Variants in KIF26A observed in about 807,000 individuals in gnomAD.
KIF26A encodes kinesin-like protein KIF26A.
KIF26A carries 74 observed loss-of-function variants against 126.0 expected under a neutral mutation model. The ratio of observed to expected loss-of-function variants is 0.59; its 90% CI spans 0.49 to 0.71. KIF26A has a LOEUF of 0.71. Ranked by LOEUF, KIF26A falls within the 30% of genes least tolerant of loss-of-function variation. The pLI, the probability that KIF26A is intolerant of heterozygous loss-of-function variation, is 0.00. For missense variants in KIF26A, 2,984 were observed against 2,763.3 expected (o/e 1.08, Z -1.79); for synonymous variants, 1,445 against 1,232.7 (o/e 1.17, Z -3.61).
At chr14:104,141,104 C>T (rs754711454) in intron 2 of KIF26A, among the ~76,000 whole-genome samples, 1 of 152,214 alleles carries the variant, frequency 6.6e-6, no homozygotes, top group Non-Finnish European at 1.5e-5. Context: ...CCCCAGAGTC[C>T]CAGCAAAATT....
chr14:104,177,210 C>T lies in KIF26A; in HGVS notation c.4422C>T (p.His1474=), dbSNP rs779334910. The T allele has an allele frequency of 1.3e-5, 21 of 1,591,762 alleles. No homozygotes were observed. The highest frequency in any genetic ancestry group is 5.6e-5 in the South Asian group (5 of 90,060). Reference sequence around the variant, plus strand: ...GTGTGCCACCCTCCAGCCCCACACACGGTCCAGCTCCCGCCTGTAGGAGCG... The same window carrying T: ...GTGTGCCACCCTCCAGCCCCACACATGGTCCAGCTCCCGCCTGTAGGAGCG... The part of the protein sequence containing the change: ...KLGVPPSSPT[H]GPAPACRSGA... Residue 1474 remains histidine, a synonymous_variant, in exon 12 of 15, where the codon CAC becomes CAT. Coordinates refer to ENST00000423312, the MANE Select transcript of KIF26A (RefSeq NM_015656.2).
chr14:104,152,042 G>A lies in KIF26A; in HGVS notation c.316G>A (p.Asp106Asn), dbSNP rs1566856106. The part of the protein sequence containing the change: ...RDPCLSALLL[D>N]KLPAPGALPA... ...TCCTTGCCTCTCTGCCCTGCTTCTC[G>A]ACAAGCTACCAGCACCTGGGGCCCT... Residue 106 changes from aspartate to asparagine, a missense_variant, in exon 3 of 15, where the codon GAC (aspartate) becomes AAC (asparagine). Asp to Asn is a conservative substitution (Grantham distance 23). Coordinates refer to ENST00000423312, the MANE Select transcript of KIF26A (RefSeq NM_015656.2). This position sits in a 1 kb window ranked among gnomAD's most constrained non-coding sequence, Gnocchi z 5.9. 2.5e-6 allele frequency: 4 copies of A among 1,612,510 alleles called. No homozygotes were observed. Among genetic ancestry groups the A allele is most frequent in the Non-Finnish European group, 3.4e-6 (4 of 1,179,754 alleles).
At chr14:104,160,156 T>C (rs7145018) in intron 4 of KIF26A, among the ~76,000 whole-genome samples, 58,806 of 152,086 alleles carry the variant, frequency 0.39, 15,548 homozygotes, top group African/African-American at 0.75. Flanking sequence ...GGGACCCGTG[T>C]AGCAGTCAGG....
At chr14:104,155,720 C>T (rs533347374) in intron 3 of KIF26A, among the ~76,000 whole-genome samples, 69 of 152,350 alleles carry the variant, frequency 4.5e-4, no homozygotes, top group African/African-American at 7.9e-4. Flanking sequence ...GGAGCCGAGG[C>T]GCGTGCCGGA....
chr14:104,156,115 G>C (rs559623130), intron 3 of KIF26A, among the ~76,000 whole-genome samples: 1 of 152,362 alleles, frequency 6.6e-6, no homozygotes, highest in East Asian at 1.9e-4. Flanking sequence ...GGTGCTGACT[G>C]CCATGCCCAG....
Position 104,159,835 on chromosome 14 carries a change from C to T in KIF26A, c.923+1893C>T, listed in dbSNP as rs373574200. Among the ~76,000 whole-genome samples the T allele has an allele frequency of 3.2e-4, 48 of 152,030 alleles. No homozygotes were observed. In the East Asian group the frequency reaches 7.9e-3, roughly 25 times the overall value. The stretch of plus-strand genomic sequence containing the variant: ...GTGGGCTGGGGTCGGTGGTGGGTGA[C>T]CTCCTCTGTGGGGCTGCAGTACCCT... On this transcript the variant is annotated intron_variant, in intron 4 of 14. Coordinates refer to ENST00000423312, the MANE Select transcript of KIF26A (RefSeq NM_015656.2).
At chr14:104,163,785 C>T (rs897573857) in intron 4 of KIF26A, among the ~76,000 whole-genome samples, 1 of 151,704 alleles carries the variant, frequency 6.6e-6, no homozygotes, top group African/African-American at 2.4e-5. Context: ...GCCTGAGACC[C>T]CTGGACCTCA....
intron 4 of KIF26A, among the ~76,000 whole-genome samples, chr14:104,165,710 C>T (rs1433107776): frequency 7.2e-6 from 1 of 138,232 alleles, no homozygotes; most frequent in Non-Finnish European, 1.6e-5. Flanking sequence ...TGTCTCTGTG[C>T]ATATGTGTGT....
chr14:104,158,433 A>G (rs542482202), intron 4 of KIF26A, among the ~76,000 whole-genome samples: 4 of 152,194 alleles, frequency 2.6e-5, no homozygotes, highest in Admixed American at 1.3e-4. Context: ...CACGGAGAGG[A>G]CAAGGCTGGC....
chr14:104,165,653 GTGTGTGTATCTGTGTTTCTGTATGCATA>G (rs2037887547), intron 4 of KIF26A, among the ~76,000 whole-genome samples: 2 of 144,276 alleles, frequency 1.4e-5, no homozygotes, highest in African/African-American at 5.7e-5. Flanking sequence ...CTGTATGCAT[GTGTGTGTATCTGTGTTTCTGTATGCATA>G]TGTGTGACTG....
At chr14:104,157,990 C>A in intron 4 of KIF26A, 48 bp downstream of exon 4, 1 of 1,452,100 alleles carries the variant, frequency 6.9e-7, no homozygotes, top group Non-Finnish European at 9.1e-7. Flanking sequence ...GGCCCCATGG[C>A]CCCGGCTGTG....
rs1312678136 is a variant in KIF26A, at chr14:104,175,681, C to T, written c.2893C>T (p.Pro965Ser). 1 of 1,605,096 alleles carries T rather than the reference C, an allele frequency of 6.2e-7. No homozygotes were observed. Among genetic ancestry groups the T allele is most frequent in the East Asian group, 2.2e-5 (1 of 44,606 alleles). The part of the protein sequence containing the change: ...PPQLLEACRA[P>S]EEPGGGGTDG... ...TCAGTTGCTGGAAGCCTGCAGAGCC[C>T]CAGAAGAGCCTGGGGGAGGGGGCAC... is the stretch of plus-strand genomic sequence containing the variant. The change falls in exon 12 of 15, where the codon CCA becomes TCA. Residue 965 changes from proline to serine, a missense_variant. Pro to Ser is a moderately conservative substitution (Grantham distance 74, BLOSUM62 -1). Coordinates refer to ENST00000423312, the MANE Select transcript of KIF26A (RefSeq NM_015656.2).
chr14:104,175,225 G>T lies in KIF26A; in HGVS notation c.2437G>T (p.Asp813Tyr). ...RELTDNEGPP[D>Y]FVPIIPALSR... Reference sequence around the variant, plus strand: ...GCTCACCGACAACGAAGGTCCGCCTGACTTCGTGCCCATCATCCCTGCCCT... The same window carrying T: ...GCTCACCGACAACGAAGGTCCGCCTTACTTCGTGCCCATCATCCCTGCCCT... Residue 813 changes from aspartate to tyrosine, a missense_variant, in exon 12 of 15, where the codon GAC becomes TAC. Physicochemically the swap from Asp to Tyr is radical, Grantham distance 160. Transcript: ENST00000423312. 1 of 1,609,706 alleles carries T rather than the reference G, an allele frequency of 6.2e-7. No individual in the cohort carries two copies.
At chr14:104,146,380 G>T (rs1395667186) in intron 2 of KIF26A, among the ~76,000 whole-genome samples, 1 of 152,100 alleles carries the variant, frequency 6.6e-6, no homozygotes, top group East Asian at 1.9e-4. Flanking sequence ...TGTGGGGCAT[G>T]GGGTCCCTGC....
Position 104,179,994 on chromosome 14 carries a change from A to G in KIF26A, c.*204A>G. 1 of 489,224 alleles carries G rather than the reference A, an allele frequency of 2.0e-6. No homozygotes were observed. Among genetic ancestry groups the G allele is most frequent in the Non-Finnish European group, 3.5e-6 (1 of 284,234 alleles). The allele number at this position is 489,224 out of a possible 1,614,324, so 30.3% of individuals were successfully genotyped here. On this transcript the variant is annotated 3_prime_UTR_variant, in exon 15 of 15. Coordinates refer to ENST00000423312, the MANE Select transcript of KIF26A (RefSeq NM_015656.2). The stretch of plus-strand genomic sequence containing the variant: ...GCGAGGGTGCCAGGGTGACCAGAAG[A>G]CCGTCACCACCCGACAGCAACGCAA...
rs779208185 is a variant in KIF26A, at chr14:104,176,468, G to T, written c.3680G>T (p.Arg1227Leu). Residue 1227 changes from arginine to leucine, a missense_variant, in exon 12 of 15, where the codon CGC (arginine) becomes CTC (leucine). Physicochemically the swap from Arg to Leu is moderately radical, Grantham distance 102. Transcript: ENST00000423312. ...GCCACCACCCGTGTGGGCTGTGCTC[G>T]CCTGGGCCAGAGCCCACCTGGCCGT... is the stretch of plus-strand genomic sequence containing the variant. ...ASATTRVGCA[R>L]LGQSPPGRGG... is the part of the protein sequence containing the mutation. 1.9e-6 allele frequency: 3 copies of T among 1,606,718 alleles called. No individual in the cohort carries two copies. The highest frequency in any genetic ancestry group is 2.2e-5 in the East Asian group (1 of 44,862).
intron 4 of KIF26A, among the ~76,000 whole-genome samples, chr14:104,165,429 G>A: frequency 6.6e-6 from 1 of 150,832 alleles, no homozygotes; most frequent in South Asian, 2.1e-4. Context: ...GTATGCGTGT[G>A]TGTCTGTCTC....
chr14:104,176,217 TG>T lies in KIF26A; in HGVS notation c.3434del (p.Gly1145AlafsTer103). 1.2e-6 allele frequency: 2 copies of T among 1,601,206 alleles called. No individual in the cohort carries two copies. Among genetic ancestry groups the T allele is most frequent in the Non-Finnish European group, 8.5e-7 (1 of 1,175,034 alleles). ...CCGACTCGCTGGCAGGGCTTGACCCTGGGGGCCCCCCTGCCCTGGATGGTTC... is the reference window on the plus strand; with the variant it reads ...CCGACTCGCTGGCAGGGCTTGACCCTGGGGCCCCCCTGCCCTGGATGGTTC... ...SPDSLAGLDP[G>X]GPPALDGSLG... On this transcript the variant is annotated frameshift_variant, in exon 12 of 15. Transcript: ENST00000423312. LOFTEE classifies it high-confidence loss of function.
intron 2 of KIF26A, among the ~76,000 whole-genome samples, chr14:104,139,947 G>A (rs571783952): frequency 3.0e-4 from 45 of 152,316 alleles, no homozygotes; most frequent in Non-Finnish European, 4.6e-4. Context: ...TCCAGCCAGT[G>A]GGCCTGCCGG....
Sources: gnomAD v4.1 joint callset for allele counts (sites outside exome capture counted in the v4.1 genomes callset) on GRCh38, gnomAD v4.1.1 for gene constraint, Gnocchi (gnomAD v3.1) non-coding constraint, MANE v1.5 for transcripts, NCBI Gene and HGNC (gene_info 2026-07-23, HGNC 2026-07-21) for gene names.